The following ZNRF2 variants were observed in gnomAD, a reference collection of about 807,000 sequenced individuals.
The protein encoded by ZNRF2 is zinc and ring finger 2, also known as E3 ubiquitin-protein ligase ZNRF2.
ZNRF2 carries 16 observed loss-of-function variants against 20.4 expected under a neutral mutation model. The observed-to-expected ratio is 0.79, with a 90% CI of 0.53 to 1.19. ZNRF2 has a LOEUF of 1.19. Ranked by LOEUF, ZNRF2 falls within the 50% of genes most tolerant of loss-of-function variation. The pLI, the probability that ZNRF2 is intolerant of heterozygous loss-of-function variation, is 0.00. For missense variants in ZNRF2, 363 were observed against 332.4 expected (o/e 1.09, Z -0.72); for synonymous variants, 178 against 144.9 (o/e 1.23, Z -1.64).
chr7:30,287,539 A>T (rs554430959), intron 1 of ZNRF2, among the ~76,000 whole-genome samples: 2 of 152,258 alleles, frequency 1.3e-5, no homozygotes, highest in African/African-American at 4.8e-5. Flanking sequence ...AATGCATTCT[A>T]TTCAGAGCAA....
At chr7:30,346,203 T>G (rs867151408) in intron 2 of ZNRF2, among the ~76,000 whole-genome samples, 34 of 122,696 alleles carry the variant, frequency 2.8e-4, no homozygotes, top group Non-Finnish European at 3.1e-4. Context: ...TTTTTTTTTT[T>G]TGTGCGTGTG....
At chr7:30,342,956 C>T (rs951236259) in intron 2 of ZNRF2, among the ~76,000 whole-genome samples, 2 of 151,960 alleles carry the variant, frequency 1.3e-5, no homozygotes, top group African/African-American at 4.8e-5. Context: ...AGGATGTTGT[C>T]TGTACTAGTT....
At chr7:30,313,904 A>G (rs1368463926) in intron 1 of ZNRF2, among the ~76,000 whole-genome samples, 1 of 152,182 alleles carries the variant, frequency 6.6e-6, no homozygotes, top group Non-Finnish European at 1.5e-5. Context: ...GTATTAGGTA[A>G]ACCACTGATC....
chr7:30,354,176 A>AG (rs934821171), intron 2 of ZNRF2, among the ~76,000 whole-genome samples: 4 of 151,998 alleles, frequency 2.6e-5, no homozygotes, highest in African/African-American at 9.7e-5. Context: ...AAATGGGGAA[A>AG]GGGAGGGCAC....
intron 2 of ZNRF2, among the ~76,000 whole-genome samples, chr7:30,331,534 C>T (rs1013101117): frequency 1.3e-5 from 2 of 152,014 alleles, no homozygotes; most frequent in African/African-American, 4.8e-5. Flanking sequence ...GAGAGAGAAG[C>T]ATGGAAAATA....
At chr7:30,295,031 G>GAA (rs1562603645) in intron 1 of ZNRF2, among the ~76,000 whole-genome samples, 1 of 104,436 alleles carries the variant, frequency 9.6e-6, no homozygotes, top group African/African-American at 4.5e-5. Flanking sequence ...GAGAGAGAGA[G>GAA]AGAGAGAGAG....
intron 3 of ZNRF2, among the ~76,000 whole-genome samples, 188 bp downstream of exon 3, chr7:30,356,021 G>A (rs975347867): frequency 6.6e-6 from 1 of 152,034 alleles, no homozygotes; most frequent in Non-Finnish European, 1.5e-5. Flanking sequence ...TATCCAAAAG[G>A]CTACTATTTT....
At chr7:30,305,899 A>G (rs1267029928) in intron 1 of ZNRF2, among the ~76,000 whole-genome samples, 1 of 152,138 alleles carries the variant, frequency 6.6e-6, no homozygotes. Flanking sequence ...ACTTATGGCA[A>G]TGAAATTAAG....
chr7:30,355,576 T>G (rs1441466643), intron 2 of ZNRF2, 152 bp from the exon 3 acceptor site: 2 of 563,068 alleles, frequency 3.6e-6, no homozygotes, highest in African/African-American at 3.8e-5. Context: ...GAATAGTATT[T>G]CAAATACACG....
chr7:30,353,931 C>T (rs1193523341), intron 2 of ZNRF2, among the ~76,000 whole-genome samples: 1 of 152,072 alleles, frequency 6.6e-6, no homozygotes, highest in Non-Finnish European at 1.5e-5. Context: ...TACCATATTA[C>T]TTGGAATTAT....
chr7:30,318,286 G>A (rs986045884), intron 1 of ZNRF2, among the ~76,000 whole-genome samples: 1 of 152,112 alleles, frequency 6.6e-6, no homozygotes, highest in Non-Finnish European at 1.5e-5. Flanking sequence ...TGTAGTCCCT[G>A]GTTACCTTTA....
chr7:30,345,224 C>T (rs1285281094), intron 2 of ZNRF2, among the ~76,000 whole-genome samples: 1 of 151,848 alleles, frequency 6.6e-6, no homozygotes, highest in East Asian at 1.9e-4. Context: ...CCCTCTAATT[C>T]TTAACTCTTC....
chr7:30,340,707 T>A (rs6949098), intron 2 of ZNRF2, among the ~76,000 whole-genome samples: 1 of 151,922 alleles, frequency 6.6e-6, no homozygotes, highest in African/African-American at 2.4e-5. Context: ...TTCTTTTTTT[T>A]TTGTTGTGTC....
chr7:30,292,215 T>A (rs1798924012), intron 1 of ZNRF2, among the ~76,000 whole-genome samples: 1 of 152,260 alleles, frequency 6.6e-6, no homozygotes, highest in South Asian at 2.1e-4. Flanking sequence ...GTTGAAGTGT[T>A]CTTGTTAACA....
At chr7:30,352,492 G>C (rs1006854432) in intron 2 of ZNRF2, among the ~76,000 whole-genome samples, 2 of 151,984 alleles carry the variant, frequency 1.3e-5, no homozygotes, top group Non-Finnish European at 2.9e-5. Flanking sequence ...AATAAGACAA[G>C]GCATTAAACT....
chr7:30,308,956 T>G (rs776435739), intron 1 of ZNRF2, among the ~76,000 whole-genome samples: 1 of 152,136 alleles, frequency 6.6e-6, no homozygotes, highest in African/African-American at 2.4e-5. Flanking sequence ...CATTCAGTGT[T>G]CATTATATTT....
intron 2 of ZNRF2, among the ~76,000 whole-genome samples, chr7:30,339,670 C>A (rs1387205200): frequency 1.3e-5 from 2 of 151,982 alleles, no homozygotes; most frequent in Non-Finnish European, 2.9e-5. Flanking sequence ...ACTGTAGCCT[C>A]ATAGTACAGT....
At position 30,367,689 on chromosome 7, in the gene ZNRF2, A is replaced by G. The variant is rs530586550; in HGVS notation, c.*1677A>G. 9 of 151,856 alleles carry G rather than the reference A, an allele frequency of 5.9e-5. No homozygotes were observed. The highest frequency in any genetic ancestry group is 1.3e-4 in the Admixed American group (2 of 15,252). 9.4% of individuals were successfully genotyped at this position (151,856 alleles called of 1,614,324 possible). A position where few individuals can be genotyped will look rare whatever the true frequency, so the allele number is the denominator to read the frequency against. ...TAAAGAGTTTTTAATTGCTTTCTGT[A>G]TGATTCCAGCTCAGATAACATTTTC... On this transcript the variant is annotated 3_prime_UTR_variant, in exon 5 of 5. Transcript: ENST00000323037.
In ZNRF2 at chr7:30,367,476, C is replaced by CTG. The variant is rs1800234118; in HGVS notation, c.*1466_*1467dup. On this transcript the variant is annotated 3_prime_UTR_variant, in exon 5 of 5. Coordinates refer to ENST00000323037, the MANE Select transcript of ZNRF2 (RefSeq NM_147128.4). The stretch of plus-strand genomic sequence containing the variant: ...ATAATTTAAAGTTGCACAGTAAGTA[C>CTG]TGTTTCCTTATTTTAATCTTTCTTT... 6.6e-6 allele frequency: 1 copy of CTG among 152,096 alleles called. No homozygotes were observed. The highest frequency in any genetic ancestry group is 1.5e-5 in the Non-Finnish European group (1 of 67,884). The allele number at this position is 152,096 out of a possible 1,614,324, so 9.4% of individuals were successfully genotyped here.
Sources: gnomAD v4.1 joint callset for allele counts (sites outside exome capture counted in the v4.1 genomes callset) on GRCh38, gnomAD v4.1.1 for gene constraint, MANE v1.5 for transcripts, NCBI Gene and HGNC (gene_info 2026-07-23, HGNC 2026-07-21) for gene names.